PCDH15: variants seen among roughly 807,000 people sequenced by gnomAD.
PCDH15 encodes the protein protocadherin-15.
A neutral mutation model predicts 178.5 loss-of-function variants in PCDH15; 129 were observed. The observed-to-expected ratio is 0.72, with a 90% CI of 0.63 to 0.84. The LOEUF (loss-of-function observed/expected upper bound fraction) is 0.84. Ranked by LOEUF, PCDH15 falls within the 40% of genes least tolerant of loss-of-function variation. The probability of loss-of-function intolerance (pLI) is 0.00; values close to 1 mark genes in which losing one functional copy is unlikely to be tolerated. For synonymous variants in PCDH15, 800 were observed against 732.0 expected (o/e 1.09, Z -1.50); for missense variants, 2,230 against 2,099.9 (o/e 1.06, Z -1.21).
intron 1 of PCDH15, among the ~76,000 whole-genome samples, chr10:55,234,506 T>G (rs1323697774): frequency 4.0e-4 from 60 of 151,678 alleles, no homozygotes; most frequent in Non-Finnish European, 2.9e-5. Flanking sequence ...CATGCTCAAG[T>G]GATGCTCCCA....
At chr10:54,938,169 G>A (rs184114206) in intron 2 of PCDH15, among the ~76,000 whole-genome samples, 543 of 152,084 alleles carry the variant, frequency 3.6e-3, no homozygotes, top group South Asian at 5.6e-3. Context: ...ACACTTGATC[G>A]TAGTGTATAG....
intron 2 of PCDH15, among the ~76,000 whole-genome samples, chr10:55,531,685 T>G (rs1449803342): frequency 6.6e-6 from 1 of 152,028 alleles, no homozygotes; most frequent in Non-Finnish European, 1.5e-5. Context: ...GTGCAGGAAT[T>G]GTTTCTGGCG....
intron 1 of PCDH15, among the ~76,000 whole-genome samples, chr10:54,685,109 G>A (rs1362217643): frequency 6.6e-6 from 1 of 151,734 alleles, no homozygotes; most frequent in African/African-American, 2.4e-5. Context: ...GGCCTACACC[G>A]GGTCAAGATA....
intron 2 of PCDH15, among the ~76,000 whole-genome samples, chr10:55,028,225 T>C (rs758870852): frequency 4.0e-5 from 6 of 151,888 alleles, no homozygotes; most frequent in Non-Finnish European, 8.8e-5. Flanking sequence ...TTGCTAATGA[T>C]AATATGGCTA....
At chr10:53,841,082 C>CAT (rs2077612212) in intron 28 of PCDH15, among the ~76,000 whole-genome samples, 2 of 152,136 alleles carry the variant, frequency 1.3e-5, no homozygotes, top group Admixed American at 1.3e-4. Context: ...ATAAAAACAA[C>CAT]ATATACCATC....
intron 3 of PCDH15, among the ~76,000 whole-genome samples, chr10:54,445,297 T>C (rs2076078286): frequency 6.6e-6 from 1 of 151,534 alleles, no homozygotes; most frequent in Admixed American, 6.6e-5. Flanking sequence ...AGGAAATGAA[T>C]ATAAGCACAT....
At chr10:54,349,319 C>T (rs927287573) in intron 5 of PCDH15, among the ~76,000 whole-genome samples, 3 of 152,088 alleles carry the variant, frequency 2.0e-5, no homozygotes, top group African/African-American at 7.2e-5. Context: ...CCAGGGAGAA[C>T]TTCACGTTTG....
At chr10:55,618,213 T>C (rs144713029) in intron 2 of PCDH15, among the ~76,000 whole-genome samples, 288 of 152,158 alleles carry the variant, frequency 1.9e-3, no homozygotes, top group Non-Finnish European at 2.6e-3. Context: ...CTTTTGTTAA[T>C]ATGTTTTGTT....
chr10:54,775,983 T>A (rs1949659812), intron 1 of PCDH15, among the ~76,000 whole-genome samples: 1 of 152,216 alleles, frequency 6.6e-6, no homozygotes, highest in African/African-American at 2.4e-5. Flanking sequence ...ATTTTACTTC[T>A]ATGAGATCAA....
intron 2 of PCDH15, among the ~76,000 whole-genome samples, chr10:54,535,183 G>T (rs879478094): frequency 6.6e-6 from 1 of 152,068 alleles, no homozygotes; most frequent in African/African-American, 2.4e-5. Flanking sequence ...TATATAATTT[G>T]ATGAAGACTT....
intron 13 of PCDH15, among the ~76,000 whole-genome samples, chr10:54,182,461 A>G (rs2048074824): frequency 6.6e-6 from 1 of 151,816 alleles, no homozygotes; most frequent in Non-Finnish European, 1.5e-5. Context: ...GGTTAATTTC[A>G]GATATGGGCT....
chr10:54,321,039 T>C (rs972980019), intron 7 of PCDH15, among the ~76,000 whole-genome samples: 14 of 150,328 alleles, frequency 9.3e-5, no homozygotes, highest in Non-Finnish European at 1.9e-4. Context: ...ATAGGGGTGG[T>C]AAACTTTTGT....
intron 2 of PCDH15, among the ~76,000 whole-genome samples, chr10:55,352,514 C>G (rs1201259276): frequency 1.3e-5 from 2 of 152,062 alleles, no homozygotes; most frequent in Non-Finnish European, 2.9e-5. Context: ...AAGCAATCAT[C>G]GAAGCTGATC....
At chr10:54,128,837 G>A (rs1180799977) in intron 15 of PCDH15, among the ~76,000 whole-genome samples, 1 of 152,034 alleles carries the variant, frequency 6.6e-6, no homozygotes. Flanking sequence ...TTCTTCATAA[G>A]AGCCTTAAAA....
chr10:54,747,069 C>CTTA, intron 1 of PCDH15, among the ~76,000 whole-genome samples: 1 of 152,306 alleles, frequency 6.6e-6, no homozygotes, highest in South Asian at 2.1e-4. Context: ...GTGGAATGTC[C>CTTA]TCTAGATAAG....
intron 8 of PCDH15, among the ~76,000 whole-genome samples, chr10:54,263,702 C>A (rs1043427834): frequency 6.6e-6 from 1 of 152,102 alleles, no homozygotes; most frequent in Admixed American, 6.6e-5. Context: ...ATCACATACA[C>A]CACAGTCATA....
intron 13 of PCDH15, among the ~76,000 whole-genome samples, chr10:54,165,377 C>T (rs963218702): frequency 7.2e-5 from 11 of 151,858 alleles, no homozygotes; most frequent in East Asian, 3.9e-4. Context: ...TAATTGTCAC[C>T]GAAGATGAAT....
At chr10:54,144,512 C>T (rs1348475786) in intron 14 of PCDH15, among the ~76,000 whole-genome samples, 1 of 152,090 alleles carries the variant, frequency 6.6e-6, no homozygotes, top group African/African-American at 2.4e-5. Flanking sequence ...CTTGCCCCTC[C>T]CTAGTTCTTG....
chr10:54,919,644 A>G (rs1356858999), intron 2 of PCDH15, among the ~76,000 whole-genome samples: 26 of 152,092 alleles, frequency 1.7e-4, no homozygotes, highest in Non-Finnish European at 7.3e-5. Context: ...ATTTATAGTA[A>G]ATACTAAACA....
Sources: allele counts gnomAD v4.1 joint callset (sites outside exome capture counted in the v4.1 genomes callset), GRCh38; gene constraint gnomAD v4.1.1; transcripts MANE v1.5; gene names NCBI Gene and HGNC (gene_info 2026-07-23, HGNC 2026-07-21).